Variants in BICC1 observed in about 807,000 individuals in gnomAD.
The protein encoded by BICC1 is protein bicaudal C homolog 1.
In BICC1, 43 loss-of-function variants were observed where a neutral mutation model predicts 111.0. The ratio of observed to expected loss-of-function variants is 0.39; its 90% CI spans 0.30 to 0.50. BICC1 has a LOEUF of 0.50. Among genes scored for constraint, BICC1 ranks in the 20% least tolerant of loss-of-function variants. BICC1 has a pLI of 0.88. For missense variants in BICC1, 1,091 were observed against 1,203.2 expected (o/e 0.91, Z 1.38); for synonymous variants, 467 against 434.4 (o/e 1.07, Z -0.93).
At chr10:58,694,706 C>T (rs1279639682) in intron 2 of BICC1, among the ~76,000 whole-genome samples, 1 of 152,110 alleles carries the variant, frequency 6.6e-6, no homozygotes, top group African/African-American at 2.4e-5. Flanking sequence ...CCCATATTTC[C>T]CATATGTGTT....
At chr10:58,677,281 A>G (rs1839375777) in intron 2 of BICC1, among the ~76,000 whole-genome samples, 1 of 152,232 alleles carries the variant, frequency 6.6e-6, no homozygotes, top group African/African-American at 2.4e-5. Context: ...TTCTAACCCA[A>G]TGCAAAGGAA....
chr10:58,604,777 C>T (rs1030212113), intron 1 of BICC1, among the ~76,000 whole-genome samples: 1 of 152,148 alleles, frequency 6.6e-6, no homozygotes. Flanking sequence ...GTTTGGGCTG[C>T]TATAGCAGAA....
At chr10:58,818,243 G>T (rs1239681435) in intron 19 of BICC1, among the ~76,000 whole-genome samples, 3 of 152,074 alleles carry the variant, frequency 2.0e-5, no homozygotes, top group African/African-American at 7.2e-5. Flanking sequence ...CCTGAACTGA[G>T]ACAGAACTGA....
At chr10:58,617,931 G>A (rs562856752) in intron 1 of BICC1, among the ~76,000 whole-genome samples, 1 of 152,374 alleles carries the variant, frequency 6.6e-6, no homozygotes. Context: ...TTGGTGTAAT[G>A]TCACCATGGG....
At chr10:58,827,107 G>T (rs140433458) in intron 20 of BICC1, among the ~76,000 whole-genome samples, 2 of 152,148 alleles carry the variant, frequency 1.3e-5, no homozygotes, top group African/African-American at 4.8e-5. Context: ...CATCAGAGTC[G>T]TCAAACTAGT....
intron 18 of BICC1, among the ~76,000 whole-genome samples, chr10:58,816,022 C>T (rs758707305): frequency 6.6e-6 from 1 of 152,196 alleles, no homozygotes; most frequent in African/African-American, 2.4e-5. Context: ...TTTCTCTTAA[C>T]ACCCTTGTCA....
intron 3 of BICC1, among the ~76,000 whole-genome samples, chr10:58,779,449 G>A (rs1314071429): frequency 1.3e-5 from 2 of 152,192 alleles, no homozygotes; most frequent in African/African-American, 4.8e-5. Flanking sequence ...ACCAGATTTA[G>A]GCTAGTTTAA....
intron 3 of BICC1, among the ~76,000 whole-genome samples, chr10:58,743,928 G>A (rs1841750178): frequency 6.6e-6 from 1 of 152,066 alleles, no homozygotes; most frequent in Admixed American, 6.6e-5. Flanking sequence ...GTTTCTCCTA[G>A]ATGGTTCCCG....
chr10:58,674,885 G>C (rs1247629719), intron 2 of BICC1, among the ~76,000 whole-genome samples: 2 of 152,142 alleles, frequency 1.3e-5, no homozygotes, highest in Non-Finnish European at 2.9e-5. Flanking sequence ...GTTGTGGCCT[G>C]GTTATGGATA....
At chr10:58,558,243 T>C (rs913530461) in intron 1 of BICC1, among the ~76,000 whole-genome samples, 1 of 152,122 alleles carries the variant, frequency 6.6e-6, no homozygotes, top group African/African-American at 2.4e-5. Flanking sequence ...TGATCGGTAC[T>C]CAGCTGCACA....
At chr10:58,572,308 G>C (rs1224599629) in intron 1 of BICC1, among the ~76,000 whole-genome samples, 1 of 152,074 alleles carries the variant, frequency 6.6e-6, no homozygotes, top group Non-Finnish European at 1.5e-5. Context: ...TTCTTTTGCT[G>C]TGCAGAAGCT....
At chr10:58,566,314 G>A (rs1843761808) in intron 1 of BICC1, among the ~76,000 whole-genome samples, 1 of 151,456 alleles carries the variant, frequency 6.6e-6, no homozygotes, top group African/African-American at 2.4e-5. Context: ...CACATGGTGT[G>A]TATATATATA....
chr10:58,554,186 T>C (rs535984443), intron 1 of BICC1, among the ~76,000 whole-genome samples: 39 of 152,306 alleles, frequency 2.6e-4, no homozygotes, highest in Middle Eastern at 3.4e-3. Context: ...TATTAAATTC[T>C]TAAGGAGTTA....
At chr10:58,670,329 A>C (rs969580141) in intron 2 of BICC1, among the ~76,000 whole-genome samples, 1 of 152,150 alleles carries the variant, frequency 6.6e-6, no homozygotes, top group Non-Finnish European at 1.5e-5. Flanking sequence ...CATAAAGTAA[A>C]TGTAGCATTC....
At chr10:58,746,814 A>C (rs1243147799) in intron 3 of BICC1, among the ~76,000 whole-genome samples, 1 of 152,326 alleles carries the variant, frequency 6.6e-6, no homozygotes, top group East Asian at 1.9e-4. Context: ...TTCTGAGTTC[A>C]CAAAACTCAC....
chr10:58,701,776 G>A (rs950831831), intron 2 of BICC1, among the ~76,000 whole-genome samples: 1 of 152,090 alleles, frequency 6.6e-6, no homozygotes, highest in African/African-American at 2.4e-5. Flanking sequence ...CATCAAGTTG[G>A]GTTAATTACT....
rs1371770660 is a variant in BICC1, at chr10:58,829,221, T to TTTTTTA, written c.*331_*332insTTTTAT. The TTTTTTA allele has an allele frequency of 9.8e-5, 15 of 153,410 alleles. No homozygotes were observed. Among genetic ancestry groups the TTTTTTA allele is most frequent in the African/African-American group, 3.9e-4 (15 of 38,288 alleles). 9.5% of individuals were successfully genotyped at this position (153,410 alleles called of 1,614,324 possible). A position where few individuals can be genotyped will look rare whatever the true frequency, so the allele number is the denominator to read the frequency against. On this transcript the variant is annotated 3_prime_UTR_variant, in exon 21 of 21. Coordinates refer to ENST00000373886, the MANE Select transcript of BICC1 (RefSeq NM_001080512.3). ...TTTTTTTTTTTTTTTTTTTTTTTTT[T>TTTTTTA]TACTTAAAATGAAGGATGAATTGAC...
At chr10:58,518,838 A>C (rs1463259639) in intron 1 of BICC1, among the ~76,000 whole-genome samples, 1 of 152,130 alleles carries the variant, frequency 6.6e-6, no homozygotes, top group African/African-American at 2.4e-5. Flanking sequence ...GGATGCACTG[A>C]GAGGGGCAGT....
intron 2 of BICC1, among the ~76,000 whole-genome samples, chr10:58,623,980 A>G (rs2132149224): frequency 6.6e-6 from 1 of 152,276 alleles, no homozygotes; most frequent in Admixed American, 6.5e-5. Flanking sequence ...CTGTGATCAA[A>G]GTGTAATTTC....
Sources: gnomAD v4.1 joint callset for allele counts (sites outside exome capture counted in the v4.1 genomes callset) on GRCh38, gnomAD v4.1.1 for gene constraint, MANE v1.5 for transcripts, NCBI Gene and HGNC (gene_info 2026-07-23, HGNC 2026-07-21) for gene names.